The following UNC13C variants were observed in gnomAD, a reference collection of about 807,000 sequenced individuals.
The protein encoded by UNC13C is unc-13 homolog C, also known as protein unc-13 homolog C.
A neutral mutation model predicts 245.4 loss-of-function variants in UNC13C; 174 were observed. The ratio of observed to expected loss-of-function variants is 0.71; its 90% CI spans 0.63 to 0.80. The LOEUF (loss-of-function observed/expected upper bound fraction) is 0.80, where lower values mean the gene tolerates loss of function less well. Among genes scored for constraint, UNC13C ranks in the 30% least tolerant of loss-of-function variants. The probability of loss-of-function intolerance (pLI) is 0.00; values close to 1 mark genes in which losing one functional copy is unlikely to be tolerated. For synonymous variants in UNC13C, 992 were observed against 895.1 expected, an observed-to-expected ratio of 1.11 and a Z score of -1.93; for missense variants, 2,829 against 2,602.9, an observed-to-expected ratio of 1.09 and a Z score of -1.89.
chr15:54,256,060 T>A (rs2414288), intron 8 of UNC13C, among the ~76,000 whole-genome samples: 1 of 151,972 alleles, frequency 6.6e-6, no homozygotes, highest in African/African-American at 2.4e-5. Flanking sequence ...TATTGAGCTA[T>A]TTAAAAATAA....
chr15:53,986,637 T>C (rs1487487634), intron 1 of UNC13C, among the ~76,000 whole-genome samples: 2 of 152,090 alleles, frequency 1.3e-5, no homozygotes, highest in Non-Finnish European at 2.9e-5. Context: ...ACCAAGAAAG[T>C]ACTTATTAAA....
downstream of UNC13C, chr15:54,631,986 T>G (rs2141333083): frequency 6.6e-6 from 1 of 152,350 alleles, no homozygotes; most frequent in African/African-American, 2.4e-5. Flanking sequence ...GCTCTGCATC[T>G]TTGCAAGCAC....
chr15:54,217,375 A>T (rs2035073601), intron 4 of UNC13C, among the ~76,000 whole-genome samples: 1 of 151,950 alleles, frequency 6.6e-6, no homozygotes, highest in Non-Finnish European at 1.5e-5. Context: ...TCTGGAACAA[A>T]GCGTAGTCAG....
chr15:54,455,889 A>C (rs1464668591), intron 19 of UNC13C, among the ~76,000 whole-genome samples: 1 of 151,936 alleles, frequency 6.6e-6, no homozygotes, highest in Non-Finnish European at 1.5e-5. Context: ...TCCCATCTAT[A>C]TATCTTTGTT....
At chr15:54,095,093 A>G (rs1430671833) in intron 2 of UNC13C, among the ~76,000 whole-genome samples, 1 of 152,176 alleles carries the variant, frequency 6.6e-6, no homozygotes, top group East Asian at 1.9e-4. Context: ...TCATTTGTCC[A>G]ATGAACTCTG....
chr15:54,492,761 A>G (rs12101515), intron 19 of UNC13C, among the ~76,000 whole-genome samples: 2,320 of 152,314 alleles, frequency 0.015, 62 homozygotes, highest in African/African-American at 0.054. Flanking sequence ...CAGTGCTTCC[A>G]GAGCACAAAT....
upstream of UNC13C, among the ~76,000 whole-genome samples, chr15:53,977,370 T>C (rs1893744660): frequency 6.6e-6 from 1 of 152,246 alleles, no homozygotes; most frequent in African/African-American, 2.4e-5. Flanking sequence ...CTGTTTATTT[T>C]GATGGCAACT....
At chr15:53,905,334 G>A in the UNC13C span, among the ~76,000 whole-genome samples, 10 of 150,170 alleles carry the variant, frequency 6.7e-5, no homozygotes, top group Non-Finnish European at 1.3e-4. Flanking sequence ...GCAGATGAAT[G>A]TATAAGATTT....
intron 29 of UNC13C, among the ~76,000 whole-genome samples, chr15:54,560,341 A>G (rs372663361): frequency 2.0e-5 from 3 of 152,130 alleles, no homozygotes; most frequent in East Asian, 3.9e-4. Context: ...AAGTTTGAAG[A>G]GTTAGAAGAA....
At chr15:53,985,330 CT>C (rs200189141) in intron 1 of UNC13C, among the ~76,000 whole-genome samples, 3,785 of 141,470 alleles carry the variant, frequency 0.027, 234 homozygotes, top group East Asian at 0.22. Flanking sequence ...GCCACATTTT[CT>C]TTTTTTTTTT....
At chr15:54,351,268 T>A (rs936278077) in intron 17 of UNC13C, among the ~76,000 whole-genome samples, 6 of 152,196 alleles carry the variant, frequency 3.9e-5, no homozygotes, top group Non-Finnish European at 7.4e-5. Flanking sequence ...GGAATCTGTA[T>A]TTTTTAACAA....
chr15:53,913,910 T>C, the UNC13C span: 1 of 152,136 alleles, frequency 6.6e-6, no homozygotes, highest in Non-Finnish European at 1.5e-5. Flanking sequence ...TAAAACCAGG[T>C]GTAGGCAAAG....
intron 31 of UNC13C, 57 bp from the exon 32 acceptor site, chr15:54,623,738 T>G: frequency 6.6e-7 from 1 of 1,519,494 alleles, no homozygotes; most frequent in Non-Finnish European, 8.9e-7. Flanking sequence ...CTTTTAAAAT[T>G]TCACTCTAAA....
At chr15:53,944,212 A>T in the UNC13C span, among the ~76,000 whole-genome samples, 3 of 152,168 alleles carry the variant, frequency 2.0e-5, no homozygotes, top group Admixed American at 6.5e-5. Flanking sequence ...AAAGAAAAGA[A>T]ATTATTTTAT....
At chr15:53,876,825 T>A in the UNC13C span, among the ~76,000 whole-genome samples, 138 of 152,282 alleles carry the variant, frequency 9.1e-4, 1 homozygote, top group Middle Eastern at 0.014. Context: ...AAACCACAAA[T>A]AAATACAGAG....
intron 2 of UNC13C, among the ~76,000 whole-genome samples, chr15:54,088,273 T>C (rs1038729773): frequency 2.0e-5 from 3 of 149,310 alleles, no homozygotes; most frequent in Admixed American, 6.7e-5. Context: ...ATGGCCGTAA[T>C]TTGTCAGGAT....
the UNC13C span, among the ~76,000 whole-genome samples, chr15:53,906,342 G>C: frequency 6.6e-6 from 1 of 152,142 alleles, no homozygotes; most frequent in Non-Finnish European, 1.5e-5. Context: ...CTGTAATTGA[G>C]TTATATGAAT....
intron 4 of UNC13C, among the ~76,000 whole-genome samples, chr15:54,147,781 G>GGT (rs1372170799): frequency 2.0e-4 from 5 of 24,552 alleles, no homozygotes; most frequent in Non-Finnish European, 3.9e-4. Context: ...AGCATTGCAA[G>GGT]GTGTGTGCGT....
intron 13 of UNC13C, among the ~76,000 whole-genome samples, chr15:54,319,900 A>G (rs1024858561): frequency 1.3e-5 from 2 of 152,150 alleles, no homozygotes; most frequent in Admixed American, 1.3e-4. Context: ...GAGAGAAGTA[A>G]CAAACTTGGA....
Sources: gnomAD v4.1 joint callset for allele counts (sites outside exome capture counted in the v4.1 genomes callset) on GRCh38, gnomAD v4.1.1 for gene constraint, MANE v1.5 for transcripts, NCBI Gene and HGNC (gene_info 2026-07-23, HGNC 2026-07-21) for gene names.